Variants in SERINC3 observed in about 807,000 individuals in gnomAD.
SERINC3 encodes tumor differentially expressed protein 1.
A neutral mutation model predicts 52.1 loss-of-function variants in SERINC3; 22 were observed. That is an observed-to-expected ratio of 0.42 (90% CI 0.30 to 0.60). SERINC3 has a LOEUF of 0.60. SERINC3 is among the 20% of genes least tolerant of loss of function. The pLI is 0.16. For missense variants in SERINC3, 564 were observed against 584.6 expected (o/e 0.96, Z 0.36); for synonymous variants, 226 against 212.7 (o/e 1.06, Z -0.54).
At chr20:44,511,444 CA>C in intron 3 of SERINC3, 76 bp from the exon 4 acceptor site, 1 of 908,030 alleles carries the variant, frequency 1.1e-6, no homozygotes, top group Non-Finnish European at 1.8e-6. Context: ...TTCTGAAATG[CA>C]AAAATAATAA....
chr20:44,504,649 T>C (rs2064300071), intron 7 of SERINC3, 152 bp downstream of exon 7: 1 of 582,558 alleles, frequency 1.7e-6, no homozygotes, highest in Non-Finnish European at 3.0e-6. Context: ...ATGTGAAAGG[T>C]AAATACCTAC....
Position 44,501,293 on chromosome 20 carries a change from T to C in SERINC3, c.1063A>G (p.Thr355Ala). Residue 355 changes from threonine (T) to alanine (A), a missense_variant, in exon 9 of 10, where the codon ACT becomes GCT. Physicochemically the swap from Thr to Ala is moderately conservative, Grantham distance 58. Transcript: ENST00000342374. ...TTGTCTACTTGGCTATTAGTGGAAGTGCGGATGCTGGAAAGTGATCCCAAG... is the reference window on the plus strand; with the variant it reads ...TTGTCTACTTGGCTATTAGTGGAAGCGCGGATGCTGGAAAGTGATCCCAAG... ...VLCLLYSSIR[T>A]STNSQVDKLT... 3.1e-6 allele frequency: 5 copies of C among 1,613,874 alleles called. No homozygotes were observed. The highest frequency in any genetic ancestry group is 4.2e-6 in the Non-Finnish European group (5 of 1,179,888).
intron 1 of SERINC3, among the ~76,000 whole-genome samples, chr20:44,516,160 G>C (rs2123068267): frequency 6.6e-6 from 1 of 151,860 alleles, no homozygotes; most frequent in South Asian, 2.1e-4. Flanking sequence ...AAATTAGCCG[G>C]GTGCAGTGGC....
downstream of SERINC3, chr20:44,496,496 C>T (rs6093986): frequency 6.6e-6 from 1 of 152,244 alleles, no homozygotes; most frequent in Non-Finnish European, 1.5e-5. Context: ...TCACTTTAGC[C>T]TGAATGTGTA....
At chr20:44,514,563 T>C (rs955895353) in intron 1 of SERINC3, among the ~76,000 whole-genome samples, 7 of 151,872 alleles carry the variant, frequency 4.6e-5, no homozygotes, top group Non-Finnish European at 7.4e-5. Flanking sequence ...ATCGAGACCA[T>C]CCTGGCTAAC....
chr20:44,503,131 T>C (rs1309857546), intron 8 of SERINC3, among the ~76,000 whole-genome samples: 1 of 152,174 alleles, frequency 6.6e-6, no homozygotes, highest in East Asian at 1.9e-4. Flanking sequence ...GTAAGGTATC[T>C]TCATGGTCAC....
intron 8 of SERINC3, among the ~76,000 whole-genome samples, chr20:44,503,146 T>C (rs535741497): frequency 1.8e-4 from 27 of 152,318 alleles, no homozygotes; most frequent in African/African-American, 6.5e-4. Flanking sequence ...GGTCACAGAC[T>C]GGAAGCCTTA....
At chr20:44,518,323 A>T (rs929728082) in intron 1 of SERINC3, among the ~76,000 whole-genome samples, 1 of 150,490 alleles carries the variant, frequency 6.6e-6, no homozygotes, top group East Asian at 1.9e-4. Context: ...AGCCTCAAAA[A>T]AAAAAAAAAA....
At position 44,499,789 on chromosome 20, in the gene SERINC3, T is replaced by A. The variant is rs1185375606; in HGVS notation, c.*507A>T. On this transcript the variant is annotated 3_prime_UTR_variant, in exon 10 of 10. Coordinates refer to ENST00000342374, the MANE Select transcript of SERINC3 (RefSeq NM_006811.4). ...CTAGGGAAGGGACCCACATATACGA[T>A]CCTTCCCCAAGAACTTTGATGCTAC... is the stretch of plus-strand genomic sequence containing the variant. 6.6e-6 allele frequency: 1 copy of A among 152,368 alleles called. No homozygotes were observed. Among genetic ancestry groups the A allele is most frequent in the African/African-American group, 2.4e-5 (1 of 41,436 alleles). The allele number at this position is 152,368 out of a possible 1,614,324, so 9.4% of individuals were successfully genotyped here.
chr20:44,514,666 C>T (rs922782910), intron 1 of SERINC3, among the ~76,000 whole-genome samples: 1 of 152,160 alleles, frequency 6.6e-6, no homozygotes, highest in Non-Finnish European at 1.5e-5. Flanking sequence ...GAGGCTGAGG[C>T]AGGAGAATGG....
In SERINC3 at chr20:44,513,947, T is replaced by C; in HGVS notation, c.133A>G (p.Ile45Val). ...GATACGACAGTGCTCAGGAGGAGAA[T>C]GAAAGCATAAATGAGGCGAGTCACC... ...STVTRLIYAFILLLSTVVSYI... is the reference protein window; with the variant it reads ...STVTRLIYAFVLLLSTVVSYI... Residue 45 changes from isoleucine to valine, a missense_variant, in exon 2 of 10, where the codon ATT (isoleucine) becomes GTT (valine). Physicochemically the swap from Ile to Val is conservative, Grantham distance 29. Transcript: ENST00000342374. The C allele has an allele frequency of 1.2e-6, 2 of 1,614,110 alleles. No individual in the cohort carries two copies. Among genetic ancestry groups the C allele is most frequent in the Non-Finnish European group, 1.7e-6 (2 of 1,180,024 alleles).
At chr20:44,520,082 C>T (rs1325783360) in intron 1 of SERINC3, among the ~76,000 whole-genome samples, 1 of 152,122 alleles carries the variant, frequency 6.6e-6, no homozygotes, top group Non-Finnish European at 1.5e-5. Context: ...TTAATGAATG[C>T]TGACTACATA....
chr20:44,513,057 T>G lies in SERINC3; in HGVS notation c.202-63A>C, dbSNP rs534147177. Reference sequence around the variant, plus strand: ...CATTTAGACAGAGACTCTAACCCACTGCAGGAAAGCCTGGATTTAGAAAAT... The same window carrying G: ...CATTTAGACAGAGACTCTAACCCACGGCAGGAAAGCCTGGATTTAGAAAAT... On this transcript the variant is annotated intron_variant, in intron 2 of 9. Coordinates refer to ENST00000342374, the MANE Select transcript of SERINC3 (RefSeq NM_006811.4). 2.4e-5 allele frequency: 28 copies of G among 1,143,662 alleles called. No individual in the cohort carries two copies. The African/African-American group carries it at 4.5e-4, about 18-fold the overall frequency. The allele number at this position is 1,143,662 out of a possible 1,614,324, so 70.8% of individuals were successfully genotyped here. A position where few individuals can be genotyped will look rare whatever the true frequency, so the allele number is the denominator to read the frequency against.
intron 2 of SERINC3, among the ~76,000 whole-genome samples, chr20:44,513,343 G>A (rs143902466): frequency 1.3e-3 from 205 of 152,064 alleles, no homozygotes; most frequent in Non-Finnish European, 2.6e-3. Flanking sequence ...AAAATTACCC[G>A]GGCATGGTGG....
chr20:44,500,313 T>G lies in SERINC3; in HGVS notation c.1405A>C (p.Ser469Arg), dbSNP rs2064271215. 1 of 1,611,844 alleles carries G rather than the reference T, an allele frequency of 6.2e-7. No individual in the cohort carries two copies. The highest frequency in any genetic ancestry group is 2.2e-5 in the East Asian group (1 of 44,856). Residue 469 changes from serine (S) to arginine (R), a missense_variant, in exon 10 of 10, where the codon AGT (serine) becomes CGT (arginine). Physicochemically the swap from Ser to Arg is moderately radical, Grantham distance 110 (BLOSUM62 -1). Coordinates refer to ENST00000342374, the MANE Select transcript of SERINC3 (RefSeq NM_006811.4). ...WTLVAPLVLT[S>R]RDFS ...TCAGAGGTTCAGCTGAAGTCCCGAC[T>G]GGTGAGGACAAGTGGAGCCACAAGG... is the stretch of plus-strand genomic sequence containing the variant.
Position 44,509,758 on chromosome 20 carries a change from G to A in SERINC3, c.613+133C>T, listed in dbSNP as rs1312440390. 4.1e-6 allele frequency: 4 copies of A among 985,336 alleles called. No individual in the cohort carries two copies. The Admixed American group carries it at 8.5e-5, about 21-fold the overall frequency. 61.0% of individuals were successfully genotyped at this position (985,336 alleles called of 1,614,324 possible). A position where few individuals can be genotyped will look rare whatever the true frequency, so the allele number is the denominator to read the frequency against. On this transcript the variant is annotated intron_variant, in intron 5 of 9. Transcript: ENST00000342374. ...CTGCCTAGACTGGTCTTGAACTCCTGGATTCAAGCCATTCTCCCACCTTGG... is the reference window on the plus strand; with the variant it reads ...CTGCCTAGACTGGTCTTGAACTCCTAGATTCAAGCCATTCTCCCACCTTGG...
chr20:44,516,099 C>G (rs2064378867), intron 1 of SERINC3, among the ~76,000 whole-genome samples: 1 of 151,858 alleles, frequency 6.6e-6, no homozygotes, highest in African/African-American at 2.4e-5. Context: ...GTCAGGAGTT[C>G]AAGACCAGCC....
intron 8 of SERINC3, among the ~76,000 whole-genome samples, chr20:44,503,485 T>C (rs2064292344): frequency 1.3e-5 from 2 of 152,088 alleles, no homozygotes; most frequent in African/African-American, 4.8e-5. Context: ...CTGTCTCTAC[T>C]AAAAATACAA....
intron 8 of SERINC3, among the ~76,000 whole-genome samples, chr20:44,501,942 A>G (rs1212167496): frequency 6.6e-6 from 1 of 152,222 alleles, no homozygotes; most frequent in Non-Finnish European, 1.5e-5. Flanking sequence ...TCACAAATCC[A>G]ATACCTTTCC....
Sources: gnomAD v4.1 joint callset for allele counts (sites outside exome capture counted in the v4.1 genomes callset) on GRCh38, gnomAD v4.1.1 for gene constraint, MANE v1.5 for transcripts, NCBI Gene and HGNC (gene_info 2026-07-23, HGNC 2026-07-21) for gene names.